Variants in VSTM4 observed in about 807,000 individuals in gnomAD.
VSTM4 encodes V-set and transmembrane domain containing 4.
VSTM4 carries 20 observed loss-of-function variants against 36.4 expected under a neutral mutation model. The ratio of observed to expected loss-of-function variants is 0.55; its 90% confidence interval spans 0.39 to 0.80. The LOEUF is 0.80. VSTM4 is among the 30% of genes least tolerant of loss of function. The pLI is 0.00. For missense variants in VSTM4, 392 were observed against 404.5 expected (o/e 0.97, Z 0.26); for synonymous variants, 182 against 173.9 (o/e 1.05, Z -0.37).
chr10:49,089,202 G>GGTTC (rs1044935371), intron 2 of VSTM4, among the ~76,000 whole-genome samples: 1 of 152,142 alleles, frequency 6.6e-6, no homozygotes, highest in Non-Finnish European at 1.5e-5. Context: ...GGGTTAAAGG[G>GGTTC]GTTCATGTGT....
intron 3 of VSTM4, among the ~76,000 whole-genome samples, chr10:49,084,821 C>A (rs763075762): frequency 2.0e-5 from 3 of 152,348 alleles, no homozygotes; most frequent in East Asian, 3.9e-4. Flanking sequence ...ATAATAATTT[C>A]TCCGAACTTT....
chr10:49,042,278 C>T (rs1843532876), intron 7 of VSTM4, among the ~76,000 whole-genome samples: 1 of 152,220 alleles, frequency 6.6e-6, no homozygotes, highest in African/African-American at 2.4e-5. Context: ...AGGCCTGCTG[C>T]TGCCTTTAAG....
chr10:49,030,020 T>C (rs559058066), intron 7 of VSTM4, among the ~76,000 whole-genome samples: 3 of 152,090 alleles, frequency 2.0e-5, no homozygotes, highest in Admixed American at 1.3e-4. Context: ...CTGGGTGGCA[T>C]GGGATGCAGC....
chr10:49,105,163 GAGAGACAGAAGGAGAA>G, intron 2 of VSTM4, among the ~76,000 whole-genome samples: 1 of 136,038 alleles, frequency 7.4e-6, no homozygotes, highest in Admixed American at 7.3e-5. Context: ...AAGACAAAGA[GAGAGACAGAAGGAGAA>G]AGAGACAGAG....
chr10:49,018,554 T>A lies in VSTM4; in HGVS notation c.*1096A>T, dbSNP rs1341680101. 3 of 152,184 alleles carry A rather than the reference T, an allele frequency of 2.0e-5. No individual in the cohort carries two copies. The highest frequency in any genetic ancestry group is 4.4e-5 in the Non-Finnish European group (3 of 68,042). The allele number at this position is 152,184 out of a possible 1,614,324, so 9.4% of individuals were successfully genotyped here. ...CAGACTATACTCACATCAAGAAATG[T>A]CCTCAATAACACAGTTGACAGGATG... On this transcript the variant is annotated 3_prime_UTR_variant, in exon 8 of 8. Coordinates refer to ENST00000332853, the MANE Select transcript of VSTM4 (RefSeq NM_001031746.5).
chr10:49,056,800 G>T (rs1018384266), intron 5 of VSTM4, among the ~76,000 whole-genome samples: 1 of 152,204 alleles, frequency 6.6e-6, no homozygotes, highest in Non-Finnish European at 1.5e-5. Context: ...CTGTCACCTG[G>T]TATATTAGTT....
intron 7 of VSTM4, among the ~76,000 whole-genome samples, chr10:49,023,971 C>T (rs1843219496): frequency 1.3e-5 from 2 of 152,158 alleles, no homozygotes; most frequent in Non-Finnish European, 2.9e-5. Context: ...ACATTTATAT[C>T]CAGATGTTGT....
chr10:49,054,964 G>GA (rs2088675325), intron 5 of VSTM4, among the ~76,000 whole-genome samples: 1 of 152,146 alleles, frequency 6.6e-6, no homozygotes, highest in Non-Finnish European at 1.5e-5. Context: ...CCGGACATAC[G>GA]AATTACAAAT....
At chr10:49,078,441 C>G (rs1844218406) in intron 3 of VSTM4, among the ~76,000 whole-genome samples, 1 of 151,856 alleles carries the variant, frequency 6.6e-6, no homozygotes, top group Admixed American at 6.6e-5. Flanking sequence ...TACATCCACA[C>G]CACAGCATCC....
At chr10:49,021,984 G>A (rs1285559395) in intron 7 of VSTM4, among the ~76,000 whole-genome samples, 4 of 152,136 alleles carry the variant, frequency 2.6e-5, no homozygotes, top group Admixed American at 6.5e-5. Flanking sequence ...CTCGGCACTC[G>A]TTCAGAAAAT....
chr10:49,057,136 C>A (rs1309066757), intron 5 of VSTM4, among the ~76,000 whole-genome samples: 4 of 152,076 alleles, frequency 2.6e-5, no homozygotes, highest in African/African-American at 9.7e-5. Flanking sequence ...GCCCCCATGA[C>A]CCAAACACGT....
intron 5 of VSTM4, among the ~76,000 whole-genome samples, chr10:49,049,335 A>AT (rs1843662463): frequency 6.6e-6 from 1 of 152,214 alleles, no homozygotes; most frequent in Admixed American, 6.5e-5. Context: ...AATAGGCTAC[A>AT]TGATTGCTCT....
Position 49,018,391 on chromosome 10 carries a change from A to G in VSTM4, c.*1259T>C, listed in dbSNP as rs1386563590. On this transcript the variant is annotated 3_prime_UTR_variant, in exon 8 of 8. Coordinates refer to ENST00000332853, the MANE Select transcript of VSTM4 (RefSeq NM_001031746.5). ...TGGAGTCTGAGGTCATTAGGGGATA[A>G]GAAATTTAGCCAAGTTCACACAGCT... 1.3e-5 allele frequency: 2 copies of G among 152,356 alleles called. No individual in the cohort carries two copies. The highest frequency in any genetic ancestry group is 3.4e-3 in the Middle Eastern group (1 of 294). The allele number at this position is 152,356 out of a possible 1,614,324, so 9.4% of individuals were successfully genotyped here. A position where few individuals can be genotyped will look rare whatever the true frequency, so the allele number is the denominator to read the frequency against.
intron 4 of VSTM4, among the ~76,000 whole-genome samples, chr10:49,067,656 G>A (rs757658443): frequency 6.6e-6 from 1 of 152,180 alleles, no homozygotes; most frequent in Non-Finnish European, 1.5e-5. Context: ...AATGAATCCC[G>A]CTGACACCTT....
intron 7 of VSTM4, among the ~76,000 whole-genome samples, chr10:49,028,901 C>T (rs1473665966): frequency 6.6e-6 from 1 of 152,220 alleles, no homozygotes; most frequent in Non-Finnish European, 1.5e-5. Context: ...TGCAGCTCCA[C>T]AGAGCTGCAC....
At chr10:49,026,885 C>G (rs1352611770) in intron 7 of VSTM4, among the ~76,000 whole-genome samples, 2 of 152,184 alleles carry the variant, frequency 1.3e-5, no homozygotes, top group Non-Finnish European at 2.9e-5. Context: ...AAGTACCAAG[C>G]CTTACACTAC....
chr10:49,047,160 G>T, intron 6 of VSTM4, 116 bp from the exon 7 acceptor site: 2 of 1,060,728 alleles, frequency 1.9e-6, no homozygotes, highest in Non-Finnish European at 2.9e-6. Context: ...CTGGTCCCAT[G>T]GAAGAACTTT....
At chr10:49,019,894 G>A in intron 7 of VSTM4, 119 bp from the exon 8 acceptor site, 1 of 1,309,850 alleles carries the variant, frequency 7.6e-7, no homozygotes, top group Non-Finnish European at 1.0e-6. Flanking sequence ...AGGGATAAGT[G>A]GACAAGAAAT....
At chr10:49,113,529 T>C (rs1820957941) in intron 1 of VSTM4, among the ~76,000 whole-genome samples, 1 of 152,220 alleles carries the variant, frequency 6.6e-6, no homozygotes, top group Non-Finnish European at 1.5e-5. Flanking sequence ...GCTAAGCCCT[T>C]GTTCAAGCTC....
Sources: allele counts gnomAD v4.1 joint callset (sites outside exome capture counted in the v4.1 genomes callset), GRCh38; gene constraint gnomAD v4.1.1; transcripts MANE v1.5; gene names NCBI Gene and HGNC (gene_info 2026-07-23, HGNC 2026-07-21).